RBL2: variants seen among roughly 807,000 people sequenced by gnomAD.
RBL2 encodes the protein RB transcriptional corepressor like 2, also known as retinoblastoma-like protein 2.
RBL2 carries 56 observed loss-of-function variants against 126.0 expected under a neutral mutation model. The ratio of observed to expected loss-of-function variants is 0.44; its 90% CI spans 0.36 to 0.56. The LOEUF is 0.56. Among genes scored for constraint, RBL2 ranks in the 20% least tolerant of loss-of-function variants. RBL2 has a pLI of 0.00. For missense variants in RBL2, 1,229 were observed against 1,398.2 expected, an observed-to-expected ratio of 0.88 and a Z score of 1.93; for synonymous variants, 454 against 478.5, an observed-to-expected ratio of 0.95 and a Z score of 0.67.
At chr16:53,434,829 T>A (rs1179154132) in intron 1 of RBL2, 33 bp downstream of exon 1, 2 of 1,469,746 alleles carry the variant, frequency 1.4e-6, no homozygotes, top group South Asian at 2.5e-5. Flanking sequence ...GCTTCCGGCC[T>A]AGTTGGCGTG....
intron 13 of RBL2, chr16:53,465,970 G>A (rs2058268836): frequency 6.4e-6 from 1 of 155,734 alleles, no homozygotes; most frequent in African/African-American, 2.4e-5. Context: ...CTAATTTTCT[G>A]GCTCTTTGCC....
At chr16:53,443,202 A>T (rs1022641291) in intron 3 of RBL2, 6 of 155,460 alleles carry the variant, frequency 3.9e-5, no homozygotes, top group African/African-American at 1.4e-4. Context: ...AGACTTAGGG[A>T]TTTTCACCCT....
intron 21 of RBL2, among the ~76,000 whole-genome samples, chr16:53,482,062 T>C (rs1393542105): frequency 6.6e-6 from 1 of 152,174 alleles, no homozygotes; most frequent in Non-Finnish European, 1.5e-5. Context: ...GATTTGGATT[T>C]CTTTTTATTC....
intron 21 of RBL2, among the ~76,000 whole-genome samples, chr16:53,483,779 G>C (rs1159732472): frequency 2.0e-5 from 3 of 151,626 alleles, no homozygotes; most frequent in Admixed American, 6.6e-5. Context: ...TGTAATCCCA[G>C]CTACTCAGAA....
rs756679513 is a variant in RBL2, at chr16:53,470,540, C to T, written c.2403C>T (p.Val801=). ...AGGTGACAGGAACAACTTTGCAAGT[C>T]CCTGGTCAAGTGGCCATTCAACAGA... The part of the protein sequence containing the change: ...SQQVTGTTLQ[V]PGQVAIQQIS... The change falls in exon 16 of 22, where the codon GTC becomes GTT. Residue 801 remains valine, a synonymous_variant. Transcript: ENST00000262133. 2 of 1,614,134 alleles carry T rather than the reference C, an allele frequency of 1.2e-6. No homozygotes were observed. The highest frequency in any genetic ancestry group is 1.7e-6 in the Non-Finnish European group (2 of 1,180,044).
rs1467875020 is a variant in RBL2 at position 53,454,580 on chromosome 16, TAAAA to T, written c.993-72_993-69del. On this transcript the variant is annotated intron_variant, in intron 7 of 21. Transcript: ENST00000262133. ...AAAAACTATTAGAACTTTTAGTAAA[TAAAA>T]AAATGAAATAATTAATTGAAATGGC... is the stretch of plus-strand genomic sequence containing the variant. 3.8e-6 allele frequency: 5 copies of T among 1,305,326 alleles called. No individual in the cohort carries two copies. The African/African-American group carries it at 7.6e-5, about 20-fold the overall frequency. 80.9% of individuals were successfully genotyped at this position (1,305,326 alleles called of 1,614,324 possible). A position where few individuals can be genotyped will look rare whatever the true frequency, so the allele number is the denominator to read the frequency against.
At chr16:53,488,673 T>C (rs1036424224) in intron 21 of RBL2, 6 of 152,208 alleles carry the variant, frequency 3.9e-5, no homozygotes, top group Admixed American at 3.9e-4. Context: ...TCAAATACTA[T>C]ACAAGATCAG....
chr16:53,488,928 A>G (rs975839296), intron 21 of RBL2: 5 of 152,132 alleles, frequency 3.3e-5, no homozygotes, highest in African/African-American at 1.2e-4. Flanking sequence ...GATGCTTAAG[A>G]TTTTGTGGCC....
chr16:53,459,630 C>T lies in RBL2; in HGVS notation c.1346+13C>T. 6.6e-7 allele frequency: 1 copy of T among 1,517,348 alleles called. No homozygotes were observed. The highest frequency in any genetic ancestry group is 8.8e-7 in the Non-Finnish European group (1 of 1,134,034). The allele number at this position is 1,517,348 out of a possible 1,614,324, so 94.0% of individuals were successfully genotyped here. ...AACAGATTCTCAGGTTAGTTTGAGCCCTGTCTGCTTTCTAAGATTTGGTTA... is the reference window on the plus strand; with the variant it reads ...AACAGATTCTCAGGTTAGTTTGAGCTCTGTCTGCTTTCTAAGATTTGGTTA... On this transcript the variant is annotated intron_variant, in intron 9 of 21. Coordinates refer to ENST00000262133, the MANE Select transcript of RBL2 (RefSeq NM_005611.4).
At position 53,454,740 on chromosome 16, in the gene RBL2, G is replaced by T. The variant is rs144960602; in HGVS notation, c.1077G>T (p.Glu359Asp). The change falls in exon 8 of 22, where the codon GAG becomes GAT. Residue 359 changes from glutamate to aspartate, a missense_variant. By Grantham distance (45) the Glu-to-Asp change is conservative. Transcript: ENST00000262133. The stretch of plus-strand genomic sequence containing the variant: ...GGATATTTCTTGGAGAGGATGCTGA[G>T]GAGGAAATTGGGACTCTCTCAAGGT... ...DERIFLGEDA[E>D]EEIGTLSRCL... is the part of the protein sequence containing the mutation. 1.9e-6 allele frequency: 3 copies of T among 1,613,924 alleles called. No individual in the cohort carries two copies. The highest frequency in any genetic ancestry group is 2.5e-6 in the Non-Finnish European group (3 of 1,179,918).
chr16:53,471,040 A>C, intron 17 of RBL2, 118 bp downstream of exon 17: 1 of 1,053,926 alleles, frequency 9.5e-7, no homozygotes, highest in East Asian at 2.4e-5. Flanking sequence ...TAAAATGCAC[A>C]ACTAAATGGG....
Position 53,465,718 on chromosome 16 carries a change from T to G in RBL2, c.1863+116T>G, listed in dbSNP as rs2058266232. On this transcript the variant is annotated intron_variant, in intron 13 of 21. Coordinates refer to ENST00000262133, the MANE Select transcript of RBL2 (RefSeq NM_005611.4). ...TTTAATATGTTATAATTACACCTTG[T>G]TATGAGAAAAATCTTGGACTGTAAC... 4 of 828,698 alleles carry G rather than the reference T, an allele frequency of 4.8e-6. No homozygotes were observed. In the Admixed American group the frequency reaches 1.6e-4, roughly 33 times the overall value. The allele number at this position is 828,698 out of a possible 1,614,324, so 51.3% of individuals were successfully genotyped here. A position where few individuals can be genotyped will look rare whatever the true frequency, so the allele number is the denominator to read the frequency against.
rs1555566426 is a variant in RBL2 at position 53,457,258 on chromosome 16, C to CCTTTTTTTTTTTTTTTTTTTTTTT, written c.1180-2193_1180-2192insCTTTTTTTTTTTTTTTTTTTTTTT. ...GGGTCATCAGGGTGGGTACAGATAG[C>CCTTTTTTTTTTTTTTTTTTTTTTT]TTTTTTTTTTTTTTTTTTTGAGATG... On this transcript the variant is annotated intron_variant, in intron 8 of 21. Transcript: ENST00000262133. 5.2e-3 allele frequency among the ~76,000 whole-genome samples: 469 copies of CCTTTTTTTTTTTTTTTTTTTTTTT among 89,874 alleles called. 73 individuals are homozygous for CCTTTTTTTTTTTTTTTTTTTTTTT. The highest frequency in any genetic ancestry group is 0.016 in the Middle Eastern group (2 of 124). 59.0% of individuals were successfully genotyped at this position (89,874 alleles called of 152,430 possible).
chr16:53,485,612 T>A lies in RBL2; in HGVS notation c.3249+3777T>A, dbSNP rs1410725313. 3.3e-5 allele frequency among the ~76,000 whole-genome samples: 5 copies of A among 152,068 alleles called. No homozygotes were observed. The East Asian group carries it at 9.6e-4, about 29-fold the overall frequency. On this transcript the variant is annotated intron_variant, in intron 21 of 21. Transcript: ENST00000262133. ...TCTCATGCCTGTAATCTCAGCACTT[T>A]GGGAGGCTGAGGTGGGTGGACTGCC...
In RBL2 at chr16:53,490,086, GT is replaced by G. The variant is rs756139657; in HGVS notation, c.3250-43del. 8 of 1,431,532 alleles carry G rather than the reference GT, an allele frequency of 5.6e-6. No homozygotes were observed. The South Asian group carries it at 1.0e-4, about 18-fold the overall frequency. The allele number at this position is 1,431,532 out of a possible 1,614,324, so 88.7% of individuals were successfully genotyped here. ...ATTCTTTGACTTAATACTGAGCTAT[GT>G]GCATTTGCATTTTAAAATTTTTGTA... On this transcript the variant is annotated intron_variant, in intron 21 of 21. Transcript: ENST00000262133.
chr16:53,451,377 G>A (rs1186514921), intron 4 of RBL2, among the ~76,000 whole-genome samples: 1 of 152,024 alleles, frequency 6.6e-6, no homozygotes, highest in Non-Finnish European at 1.5e-5. Context: ...GTGGTGGCGT[G>A]TACCTGTAAT....
At chr16:53,440,953 C>CTTTTTTTTTTTTTTTTTTTTT (rs1178378934) in intron 2 of RBL2, among the ~76,000 whole-genome samples, 3 of 71,672 alleles carry the variant, frequency 4.2e-5, no homozygotes, top group Non-Finnish European at 7.4e-5. Context: ...TTTTTCAGTT[C>CTTTTTTTTTTTTTTTTTTTTT]TTTTTTTTTT....
rs1340596816 is a variant in RBL2, at chr16:53,490,126, A to G, written c.3250-4A>G. 7.0e-6 allele frequency: 11 copies of G among 1,565,070 alleles called. No individual in the cohort carries two copies. Among genetic ancestry groups the G allele is most frequent in the Admixed American group, 1.8e-5 (1 of 54,370 alleles). ...AAAATTTTTGTATCTTTTTCCCACCATAGAGACTGAGAGAAATTAATAGTA... is the reference window on the plus strand; with the variant it reads ...AAAATTTTTGTATCTTTTTCCCACCGTAGAGACTGAGAGAAATTAATAGTA... On this transcript the variant is annotated splice_region_variant and splice_polypyrimidine_tract_variant and intron_variant, in intron 21 of 21. Coordinates refer to ENST00000262133, the MANE Select transcript of RBL2 (RefSeq NM_005611.4).
chr16:53,434,784 C>T lies in RBL2; in HGVS notation c.228C>T (p.Ser76=). 5.3e-6 allele frequency: 8 copies of T among 1,509,880 alleles called. No individual in the cohort carries two copies. The highest frequency in any genetic ancestry group is 6.2e-6 in the Non-Finnish European group (7 of 1,131,176). 93.5% of individuals were successfully genotyped at this position (1,509,880 alleles called of 1,614,324 possible). A position where few individuals can be genotyped will look rare whatever the true frequency, so the allele number is the denominator to read the frequency against. ...ACAGCTACCGCAGCATGAGCGAAAGCTACACGCTGGAGGTGCGCTCGCGGG... is the reference window on the plus strand; with the variant it reads ...ACAGCTACCGCAGCATGAGCGAAAGTTACACGCTGGAGGTGCGCTCGCGGG... ...AWDSYRSMSE[S]YTLEGNDLHW... Residue 76 remains serine, a synonymous_variant, in exon 1 of 22, where the codon AGC becomes AGT. Transcript: ENST00000262133.
Sources: allele counts gnomAD v4.1 joint callset (sites outside exome capture counted in the v4.1 genomes callset), GRCh38; gene constraint gnomAD v4.1.1; transcripts MANE v1.5; gene names NCBI Gene and HGNC (gene_info 2026-07-23, HGNC 2026-07-21).